The following STARD9 variants were observed in gnomAD, a reference collection of about 807,000 sequenced individuals.
STARD9 encodes StAR related lipid transfer domain containing 9.
Under a neutral mutation model 399.8 loss-of-function variants are expected in STARD9, and 346 were observed. That is an observed-to-expected ratio of 0.87 (90% confidence interval 0.79 to 0.95). The LOEUF (loss-of-function observed/expected upper bound fraction) is 0.95, where lower values mean the gene tolerates loss of function less well. Among genes scored for constraint, STARD9 ranks in the 40% least tolerant of loss-of-function variants. The pLI, the probability that STARD9 is intolerant of heterozygous loss-of-function variation, is 0.00. For synonymous variants in STARD9, 2,203 were observed against 2,143.5 expected (o/e 1.03, Z -0.77); for missense variants, 5,832 against 5,667.5 (o/e 1.03, Z -0.93).
chr15:42,576,284 CG>C (rs147572892), intron 1 of STARD9, among the ~76,000 whole-genome samples: 2,266 of 152,254 alleles, frequency 0.015, 54 homozygotes, highest in African/African-American at 0.052. Context: ...TAATCCAGGA[CG>C]GAACTGTTAA....
chr15:42,645,472 C>G (rs903821760), intron 7 of STARD9, among the ~76,000 whole-genome samples: 2 of 151,966 alleles, frequency 1.3e-5, no homozygotes, highest in African/African-American at 4.8e-5. Context: ...AGTGGGCTTA[C>G]TGTAAGCAGA....
chr15:42,673,818 G>T (rs1439902036), intron 16 of STARD9: 1 of 421,772 alleles, frequency 2.4e-6, no homozygotes, highest in Non-Finnish European at 4.8e-6. Context: ...CTAATCCACT[G>T]ATTCATTTGT....
chr15:42,717,339 T>G (rs1335459503), intron 28 of STARD9, among the ~76,000 whole-genome samples: 3 of 151,472 alleles, frequency 2.0e-5, no homozygotes, highest in Non-Finnish European at 4.4e-5. Flanking sequence ...TAAAAAACAT[T>G]AGGCCAGGCG....
rs892575798 is a variant in STARD9, at chr15:42,650,914, A to G, written c.560-102A>G. Reference sequence around the variant, plus strand: ...TGGCCAGATTCCCTCATTTTTGTCTATTAAACAATATGAAATAGGAATGAT... The same window carrying G: ...TGGCCAGATTCCCTCATTTTTGTCTGTTAAACAATATGAAATAGGAATGAT... On this transcript the variant is annotated intron_variant, in intron 7 of 32. Transcript: ENST00000290607. The G allele has an allele frequency of 1.5e-5, 11 of 752,742 alleles. No individual in the cohort carries two copies. In the Admixed American group the frequency reaches 1.5e-4, roughly 10 times the overall value. 46.6% of individuals were successfully genotyped at this position (752,742 alleles called of 1,614,324 possible).
At chr15:42,714,229 A>AT in intron 26 of STARD9, among the ~76,000 whole-genome samples, 1 of 151,586 alleles carries the variant, frequency 6.6e-6, no homozygotes, top group East Asian at 1.9e-4. Context: ...TGCCCGGCTA[A>AT]TTTTTTTGTA....
At position 42,689,943 on chromosome 15, in the gene STARD9, C is replaced by G; in HGVS notation, c.8365C>G (p.Leu2789Val). ...CCCAGAGCATCAGGAACCCAGAACT[C>G]TAGACACCACATATGGAGAAGTTTC... ...SSPEHQEPRT[L>V]DTTYGEVSDN... Residue 2789 changes from leucine (L) to valine (V), a missense_variant, in exon 23 of 33, where the codon CTA becomes GTA. Physicochemically the swap from Leu to Val is conservative, Grantham distance 32. This residue lies in a region of STARD9 where 5,828 missense variants were observed against 5,651.1 expected (regional missense o/e 1.03). Transcript: ENST00000290607. 1.0e-5 allele frequency: 16 copies of G among 1,537,822 alleles called. No individual in the cohort carries two copies. The highest frequency in any genetic ancestry group is 2.4e-5 in the East Asian group (1 of 40,924).
chr15:42,699,392 C>CTTTTTCTTTTTTTTTTT (rs2060912049), intron 26 of STARD9, among the ~76,000 whole-genome samples: 3 of 113,294 alleles, frequency 2.6e-5, no homozygotes, highest in African/African-American at 1.2e-4. Flanking sequence ...TTTTTCTTTT[C>CTTTTTCTTTTTTTTTTT]TTTTTTTTTT....
intron 25 of STARD9, 149 bp downstream of exon 25, chr15:42,695,472 T>G (rs938972317): frequency 7.0e-6 from 6 of 857,492 alleles, no homozygotes; most frequent in African/African-American, 6.8e-5. Flanking sequence ...CTGGGCTCAC[T>G]GTCTTTTTAC....
chr15:42,645,563 ATTT>A (rs773050530), intron 7 of STARD9, among the ~76,000 whole-genome samples: 2 of 141,178 alleles, frequency 1.4e-5, no homozygotes, highest in Admixed American at 7.1e-5. Context: ...GGGCCCTAGG[ATTT>A]TTTTTTTTTT....
chr15:42,593,527 A>G (rs937556245), intron 3 of STARD9, among the ~76,000 whole-genome samples: 3 of 152,122 alleles, frequency 2.0e-5, no homozygotes, highest in Non-Finnish European at 2.9e-5. Flanking sequence ...TTATTTAGCT[A>G]AAACACTTGT....
chr15:42,588,228 CTGTG>C lies in STARD9; in HGVS notation c.234+2599_234+2602del, dbSNP rs1000223411. Among the ~76,000 whole-genome samples the C allele has an allele frequency of 2.5e-3, 360 of 144,454 alleles. 2 individuals are homozygous for C. The highest frequency in any genetic ancestry group is 8.3e-3 in the African/African-American group (333 of 39,922). 94.8% of individuals were successfully genotyped at this position (144,454 alleles called of 152,430 possible). ...ATTTTATGTGTGTGTGTGTGTGTGT[CTGTG>C]TGTGTGTATTAGTATCATTAAGCTT... On this transcript the variant is annotated intron_variant, in intron 3 of 32. Coordinates refer to ENST00000290607, the MANE Select transcript of STARD9 (RefSeq NM_020759.3).
Position 42,691,421 on chromosome 15 carries a change from G to A in STARD9, c.9843G>A (p.Pro3281=), listed in dbSNP as rs979823447. The change falls in exon 23 of 33, where the codon CCG becomes CCA. Residue 3281 remains proline (P), a synonymous_variant. Transcript: ENST00000290607. ...TGTCCTTGAGGCAAAATGAAACACCGCAGCCTGCTGCTCAGAGGAGTGGCC... is the reference window on the plus strand; with the variant it reads ...TGTCCTTGAGGCAAAATGAAACACCACAGCCTGCTGCTCAGAGGAGTGGCC... ...ATVSLRQNET[P]QPAAQRSGHL... is the part of the protein sequence containing the mutation. The A allele has an allele frequency of 5.2e-6, 8 of 1,537,186 alleles. No homozygotes were observed. The highest frequency in any genetic ancestry group is 1.7e-4 in the Middle Eastern group (1 of 5,990).
intron 26 of STARD9, among the ~76,000 whole-genome samples, chr15:42,704,477 A>C (rs1396134686): frequency 6.6e-6 from 1 of 152,124 alleles, no homozygotes; most frequent in Non-Finnish European, 1.5e-5. Flanking sequence ...AATTTTTGCA[A>C]TCTGGCCTTG....
intron 26 of STARD9, among the ~76,000 whole-genome samples, chr15:42,713,458 C>CCTTGT (rs2061288672): frequency 6.6e-6 from 1 of 152,126 alleles, no homozygotes; most frequent in Non-Finnish European, 1.5e-5. Context: ...GAGCCGATGT[C>CCTTGT]CTTGTCTTAC....
At chr15:42,699,883 T>A (rs906595237) in intron 26 of STARD9, among the ~76,000 whole-genome samples, 3 of 152,068 alleles carry the variant, frequency 2.0e-5, no homozygotes, top group African/African-American at 7.3e-5. Flanking sequence ...ATTTTTGTAT[T>A]TTTAGGAGAG....
chr15:42,653,890 A>G (rs2059812854), intron 9 of STARD9, among the ~76,000 whole-genome samples: 2 of 152,222 alleles, frequency 1.3e-5, no homozygotes, highest in African/African-American at 4.8e-5. Context: ...CAATTGTAAC[A>G]ATGCATTTTT....
At chr15:42,673,999 T>A (rs180890202) in intron 16 of STARD9, 5 of 456,872 alleles carry the variant, frequency 1.1e-5, no homozygotes, top group African/African-American at 1.0e-4. Flanking sequence ...CTTCACAAAA[T>A]GCTTGTTTGA....
intron 3 of STARD9, among the ~76,000 whole-genome samples, chr15:42,616,922 G>T (rs2058975072): frequency 6.6e-6 from 1 of 150,412 alleles, no homozygotes; most frequent in African/African-American, 2.4e-5. Flanking sequence ...CAAAAAGAAA[G>T]TTAGAGAATA....
In STARD9 at chr15:42,675,669, G is replaced by C. The variant is rs1335309398; in HGVS notation, c.1693G>C (p.Val565Leu). ...TASCRLTQGA[V>L]ITLGKAQKFR... Reference sequence around the variant, plus strand: ...CATTTGTCTCTGTGCTGCAGGAGCTGTCATAACCCTGGGGAAGGCACAGAA... The same window carrying C: ...CATTTGTCTCTGTGCTGCAGGAGCTCTCATAACCCTGGGGAAGGCACAGAA... Residue 565 changes from valine to leucine, a missense_variant, in exon 19 of 33, where the codon GTC (valine) becomes CTC (leucine). Around this residue, in one of 2 missense-constraint regions of STARD9, gnomAD observed 5,828 missense variants for 5,651.1 expected, o/e 1.03. Coordinates refer to ENST00000290607, the MANE Select transcript of STARD9 (RefSeq NM_020759.3). 6.5e-7 allele frequency: 1 copy of C among 1,536,718 alleles called. No homozygotes were observed. Among genetic ancestry groups the C allele is most frequent in the East Asian group, 2.4e-5 (1 of 40,940 alleles).
Sources: gnomAD v4.1 joint callset for allele counts (sites outside exome capture counted in the v4.1 genomes callset) on GRCh38, gnomAD v4.1.1 for gene constraint, gnomAD v4.1.1 regional missense constraint, MANE v1.5 for transcripts, NCBI Gene and HGNC (gene_info 2026-07-23, HGNC 2026-07-21) for gene names.